The following FSTL5 variants were observed in gnomAD, a reference collection of about 807,000 sequenced individuals.
FSTL5 encodes follistatin like 5, also known as follistatin-related protein 5.
A neutral mutation model predicts 89.1 loss-of-function variants in FSTL5; 62 were observed. The ratio of observed to expected loss-of-function variants is 0.70; its 90% CI spans 0.57 to 0.86. The LOEUF is 0.86. Ranked by LOEUF, FSTL5 falls within the 40% of genes least tolerant of loss-of-function variation. The pLI is 0.00. For missense variants in FSTL5, 1,057 were observed against 1,001.6 expected, an observed-to-expected ratio of 1.06 and a Z score of -0.75; for synonymous variants, 383 against 346.2, an observed-to-expected ratio of 1.11 and a Z score of -1.18.
At chr4:161,833,204 T>C (rs1339013865) in intron 4 of FSTL5, among the ~76,000 whole-genome samples, 3 of 152,128 alleles carry the variant, frequency 2.0e-5, no homozygotes, top group Non-Finnish European at 4.4e-5. Context: ...AGTGAGTTTC[T>C]TAATCCTGAG....
chr4:161,492,440 A>G (rs943826318), intron 12 of FSTL5, among the ~76,000 whole-genome samples: 1 of 152,184 alleles, frequency 6.6e-6, no homozygotes, highest in South Asian at 2.1e-4. Flanking sequence ...TCTATTATTA[A>G]CTTTTAGTAT....
chr4:161,718,997 C>G (rs369636011), intron 6 of FSTL5, among the ~76,000 whole-genome samples: 64 of 152,200 alleles, frequency 4.2e-4, no homozygotes, highest in African/African-American at 1.4e-3. Context: ...CTTTGGAAAC[C>G]ACTAGAAACC....
At chr4:162,045,157 T>C (rs2111237380) in intron 2 of FSTL5, among the ~76,000 whole-genome samples, 1 of 152,310 alleles carries the variant, frequency 6.6e-6, no homozygotes, top group East Asian at 1.9e-4. Flanking sequence ...CTTAATCATT[T>C]CTAGCTTTTG....
intron 4 of FSTL5, among the ~76,000 whole-genome samples, chr4:161,850,880 G>A (rs779763243): frequency 8.5e-5 from 13 of 152,254 alleles, no homozygotes; most frequent in Middle Eastern, 3.4e-3. Flanking sequence ...GACATGGATG[G>A]AGCTGGGGTC....
At chr4:162,053,377 C>T (rs1738444046) in intron 2 of FSTL5, among the ~76,000 whole-genome samples, 1 of 151,606 alleles carries the variant, frequency 6.6e-6, no homozygotes, top group East Asian at 1.9e-4. Context: ...TTAGTAACGC[C>T]TTAAGGTCCT....
At chr4:162,130,415 G>A (rs140332367) in intron 1 of FSTL5, among the ~76,000 whole-genome samples, 9 of 152,234 alleles carry the variant, frequency 5.9e-5, no homozygotes, top group East Asian at 1.9e-4. Context: ...TTAGAAAGGC[G>A]TAAGAACTAA....
chr4:161,590,893 C>A (rs902313965), intron 7 of FSTL5, among the ~76,000 whole-genome samples: 1 of 152,066 alleles, frequency 6.6e-6, no homozygotes. Flanking sequence ...ATGTACTACC[C>A]CAAAGAACTG....
chr4:162,036,601 C>A (rs971371645), intron 2 of FSTL5, among the ~76,000 whole-genome samples: 1 of 151,588 alleles, frequency 6.6e-6, no homozygotes, highest in African/African-American at 2.4e-5. Context: ...CTGAGTATTG[C>A]AAAATGTATA....
chr4:161,853,200 T>C (rs1465991133), intron 4 of FSTL5, among the ~76,000 whole-genome samples: 10 of 152,234 alleles, frequency 6.6e-5, no homozygotes, highest in Admixed American at 5.2e-4. Flanking sequence ...CCAACAGGAA[T>C]TTTGCAATGA....
At position 161,753,945 on chromosome 4, in the gene FSTL5, G is replaced by A. The variant is rs1740485528; in HGVS notation, c.727+5466C>T. 2.6e-5 allele frequency among the ~76,000 whole-genome samples: 4 copies of A among 151,344 alleles called. No homozygotes were observed. The South Asian group carries it at 8.4e-4, about 32-fold the overall frequency. On this transcript the variant is annotated intron_variant, in intron 6 of 15. Coordinates refer to ENST00000306100, the MANE Select transcript of FSTL5 (RefSeq NM_020116.5). ...TAGTCCCAGCTACTCCGGAGGCTGA[G>A]GCAGGAGAATGGTGTGAACCCGGGA...
chr4:161,611,240 A>G (rs1021357479), intron 7 of FSTL5, among the ~76,000 whole-genome samples: 1 of 44,310 alleles, frequency 2.3e-5, no homozygotes, highest in Non-Finnish European at 4.5e-5. Context: ...ACATATATAT[A>G]TATATATATA....
intron 2 of FSTL5, among the ~76,000 whole-genome samples, chr4:162,105,502 TG>T (rs1322811612): frequency 1.3e-5 from 2 of 152,214 alleles, no homozygotes; most frequent in African/African-American, 4.8e-5. Context: ...CCTAGGACTC[TG>T]ATTTTTTAAT....
At chr4:161,824,428 T>C (rs1730603001) in intron 4 of FSTL5, among the ~76,000 whole-genome samples, 1 of 152,230 alleles carries the variant, frequency 6.6e-6, no homozygotes, top group South Asian at 2.1e-4. Flanking sequence ...TATAATATAG[T>C]TTGAAGTCAG....
chr4:161,945,071 G>A (rs893984594), intron 3 of FSTL5, among the ~76,000 whole-genome samples: 5 of 152,042 alleles, frequency 3.3e-5, no homozygotes, highest in Admixed American at 2.0e-4. Context: ...GTATACACTG[G>A]ATGAATTAAA....
At chr4:162,005,700 T>G (rs1306278169) in intron 3 of FSTL5, among the ~76,000 whole-genome samples, 1 of 152,122 alleles carries the variant, frequency 6.6e-6, no homozygotes, top group Non-Finnish European at 1.5e-5. Context: ...TAAGGTACAC[T>G]GACATTGGTG....
intron 1 of FSTL5, among the ~76,000 whole-genome samples, chr4:162,160,731 A>G (rs1733662045): frequency 2.6e-5 from 4 of 151,336 alleles, no homozygotes; most frequent in Admixed American, 6.6e-5. Flanking sequence ...TATTATTTTA[A>G]AAGGTATTTT....
intron 3 of FSTL5, among the ~76,000 whole-genome samples, chr4:162,023,659 T>C (rs6847886): frequency 0.098 from 14,892 of 152,260 alleles, 851 homozygotes; most frequent in Non-Finnish European, 0.13. Context: ...ATCTGCACTA[T>C]TTAAGTAAAA....
At chr4:161,834,948 A>G (rs1040555813) in intron 4 of FSTL5, among the ~76,000 whole-genome samples, 1 of 149,126 alleles carries the variant, frequency 6.7e-6, no homozygotes, top group Non-Finnish European at 1.5e-5. Context: ...ATTGGAAAAA[A>G]CTACTTTAAA....
intron 1 of FSTL5, among the ~76,000 whole-genome samples, chr4:162,149,285 TC>T (rs747588964): frequency 5.9e-5 from 9 of 151,932 alleles, no homozygotes; most frequent in Non-Finnish European, 1.3e-4. Flanking sequence ...AAGCCTGTAA[TC>T]CAGGCTGAGT....
Sources: allele counts gnomAD v4.1 joint callset (sites outside exome capture counted in the v4.1 genomes callset), GRCh38; gene constraint gnomAD v4.1.1; transcripts MANE v1.5; gene names NCBI Gene and HGNC (gene_info 2026-07-23, HGNC 2026-07-21).